RUNX1: variants seen among roughly 807,000 people sequenced by gnomAD.
The protein encoded by RUNX1 is runt-related transcription factor 1.
Under a neutral mutation model 42.8 loss-of-function variants are expected in RUNX1, and 19 were observed. That is an observed-to-expected ratio of 0.44 (90% confidence interval 0.31 to 0.65). The LOEUF (loss-of-function observed/expected upper bound fraction) is 0.65. Ranked by LOEUF, RUNX1 falls within the 30% of genes least tolerant of loss-of-function variation. RUNX1 has a pLI of 0.07. For missense variants in RUNX1, 528 were observed against 672.0 expected (o/e 0.79, Z 2.37); for synonymous variants, 271 against 289.4 (o/e 0.94, Z 0.64).
At chr21:34,846,409 C>G (rs1487673881) in intron 6 of RUNX1, among the ~76,000 whole-genome samples, 1 of 151,694 alleles carries the variant, frequency 6.6e-6, no homozygotes, top group African/African-American at 2.4e-5. Flanking sequence ...CAGGACATCC[C>G]AGGGGCCCCT....
intron 2 of RUNX1, among the ~76,000 whole-genome samples, chr21:34,930,880 G>T (rs909863589): frequency 4.6e-5 from 7 of 152,074 alleles, no homozygotes; most frequent in African/African-American, 1.4e-4. Context: ...TTTTGAAGAA[G>T]ATGACAGTTC....
intron 6 of RUNX1, among the ~76,000 whole-genome samples, chr21:34,853,105 C>A (rs561783308): frequency 1.3e-5 from 2 of 152,290 alleles, no homozygotes; most frequent in South Asian, 4.1e-4. Flanking sequence ...AAGGCCAACA[C>A]CGGAAGAAGA....
intron 3 of RUNX1, chr21:34,889,734 G>A (rs927815838): frequency 4.0e-5 from 47 of 1,181,198 alleles, no homozygotes; most frequent in Middle Eastern, 3.4e-4. Flanking sequence ...GGTGCTGCGG[G>A]CATTTTCGCG....
intron 5 of RUNX1, among the ~76,000 whole-genome samples, chr21:34,863,003 C>T (rs1258210309): frequency 3.3e-5 from 5 of 152,124 alleles, no homozygotes; most frequent in African/African-American, 7.2e-5. Flanking sequence ...ATTTTTAAGT[C>T]GTGTAGAACT....
At chr21:35,020,606 C>G (rs1445715782) in intron 2 of RUNX1, among the ~76,000 whole-genome samples, 1 of 152,120 alleles carries the variant, frequency 6.6e-6, no homozygotes, top group African/African-American at 2.4e-5. Context: ...TAGTCACTGT[C>G]CCCTCGAGGA....
intron 7 of RUNX1, among the ~76,000 whole-genome samples, chr21:34,827,064 T>A (rs193035571): frequency 6.6e-6 from 1 of 152,260 alleles, no homozygotes; most frequent in African/African-American, 2.4e-5. Flanking sequence ...GTGACCAGAG[T>A]GCTGGTAGAA....
intron 2 of RUNX1, among the ~76,000 whole-genome samples, chr21:34,904,963 A>C (rs75094659): frequency 9.5e-4 from 141 of 148,166 alleles, no homozygotes; most frequent in African/African-American, 3.5e-3. Context: ...ATAATGAAGT[A>C]GACTTCTAAG....
At chr21:34,960,267 C>T (rs1008043269) in intron 2 of RUNX1, among the ~76,000 whole-genome samples, 2 of 152,150 alleles carry the variant, frequency 1.3e-5, no homozygotes, top group Non-Finnish European at 2.9e-5. Flanking sequence ...CCCCGGCTCC[C>T]GATAGGTGGA....
rs139307340 is a variant in RUNX1 at position 34,789,604 on chromosome 21, GCA to G, written c.*2529_*2530del. 1.0e-4 allele frequency: 23 copies of G among 223,392 alleles called. No homozygotes were observed. The highest frequency in any genetic ancestry group is 3.7e-4 in the South Asian group (2 of 5,388). 13.8% of individuals were successfully genotyped at this position (223,392 alleles called of 1,614,324 possible). On this transcript the variant is annotated 3_prime_UTR_variant, in exon 9 of 9. Coordinates refer to ENST00000675419, the MANE Select transcript of RUNX1 (RefSeq NM_001754.5). Reference sequence around the variant, plus strand: ...ATTTTTCACACACACACACACACACGCACACACACACACATACAAAAATGTGT... The same window carrying G: ...ATTTTTCACACACACACACACACACGCACACACACACATACAAAAATGTGT...
chr21:34,886,906 G>A lies in RUNX1; in HGVS notation c.288C>T (p.Asn96=). 2 of 1,613,640 alleles carry A rather than the reference G, an allele frequency of 1.2e-6. No homozygotes were observed. Among genetic ancestry groups the A allele is most frequent in the South Asian group, 2.2e-5 (2 of 91,082 alleles). ...PGELVRTDSP[N]FLCSVLPTHW... is the part of the protein sequence containing the mutation. ...GCGTAGGCAGCACGGAGCAGAGGAA[G>A]TTGGGGCTGTCGGTGCGCACCAGCT... is the stretch of plus-strand genomic sequence containing the variant. Residue 96 remains asparagine (N), a synonymous_variant, in exon 4 of 9, where the codon AAC becomes AAT. Coordinates refer to ENST00000675419, the MANE Select transcript of RUNX1 (RefSeq NM_001754.5).
rs2056438275 is a variant in RUNX1 at position 34,791,805 on chromosome 21, C to T, written c.*330G>A. On this transcript the variant is annotated 3_prime_UTR_variant, in exon 9 of 9. Coordinates refer to ENST00000675419, the MANE Select transcript of RUNX1 (RefSeq NM_001754.5). ...ATTCACAGCATTGCTAAATCAGAAG[C>T]ATTCACAGTTTCCCTCCGGGAATCT... 4.3e-6 allele frequency: 1 copy of T among 230,354 alleles called. No individual in the cohort carries two copies. Among genetic ancestry groups the T allele is most frequent in the South Asian group, 1.8e-4 (1 of 5,656 alleles). 14.3% of individuals were successfully genotyped at this position (230,354 alleles called of 1,614,324 possible).
In RUNX1 at chr21:34,849,097, A is replaced by AATTGCTTTAATGGAATT. The variant is rs1293490562; in HGVS notation, c.613+10376_613+10377insAATTCCATTAAAGCAAT. Among the ~76,000 whole-genome samples, 8 of 149,488 alleles carry AATTGCTTTAATGGAATT rather than the reference A, an allele frequency of 5.4e-5. No homozygotes were observed. In the Admixed American group the frequency reaches 5.5e-4, roughly 10 times the overall value. On this transcript the variant is annotated intron_variant, in intron 6 of 8. Transcript: ENST00000675419. Reference sequence around the variant, plus strand: ...AATAGCAGTCTGGGTTTTTGTCAATAATTGCTTTAATGGAAACTAAGTATA... The same window carrying AATTGCTTTAATGGAATT: ...AATAGCAGTCTGGGTTTTTGTCAATAATTGCTTTAATGGAATTATTGCTTTAATGGAAACTAAGTATA...
intron 2 of RUNX1, among the ~76,000 whole-genome samples, chr21:34,973,996 G>A (rs567040107): frequency 6.6e-6 from 1 of 152,170 alleles, no homozygotes; most frequent in Non-Finnish European, 1.5e-5. Flanking sequence ...ATTTTGGCCT[G>A]GATTATCCAA....
chr21:34,874,845 A>G (rs1375837149), intron 5 of RUNX1, among the ~76,000 whole-genome samples: 1 of 152,108 alleles, frequency 6.6e-6, no homozygotes, highest in Non-Finnish European at 1.5e-5. Context: ...GTTTATGTCT[A>G]TAATGCTTGT....
intron 7 of RUNX1, among the ~76,000 whole-genome samples, chr21:34,823,082 A>G (rs1408700425): frequency 1.3e-5 from 2 of 152,242 alleles, no homozygotes; most frequent in East Asian, 3.8e-4. Context: ...CGTAAGGTAA[A>G]GAGGACATCA....
chr21:35,036,819 G>A (rs998842784), intron 2 of RUNX1, among the ~76,000 whole-genome samples: 1 of 152,162 alleles, frequency 6.6e-6, no homozygotes, highest in African/African-American at 2.4e-5. Flanking sequence ...TTCTGGCTAC[G>A]ATTTTTATTT....
Position 34,790,875 on chromosome 21 carries a change from T to G in RUNX1, c.*1260A>C, listed in dbSNP as rs1024644364. On this transcript the variant is annotated 3_prime_UTR_variant, in exon 9 of 9. Transcript: ENST00000675419. ...TGTGGCTCCCCTACACAGTTTACTT[T>G]GGCTGTGTTCTGTTACACAGCATCT... is the stretch of plus-strand genomic sequence containing the variant. 14 of 233,412 alleles carry G rather than the reference T, an allele frequency of 6.0e-5. No individual in the cohort carries two copies. Among genetic ancestry groups the G allele is most frequent in the African/African-American group, 3.1e-4 (14 of 45,478 alleles). The allele number at this position is 233,412 out of a possible 1,614,324, so 14.5% of individuals were successfully genotyped here.
At position 34,821,790 on chromosome 21, in the gene RUNX1, G is replaced by A. The variant is rs774750325; in HGVS notation, c.805+12620C>T. ...GCATTCCCCTCCCCTACCCCAAGGCGTGAAAGAATCAAATGAGGAAATCAG... is the reference window on the plus strand; with the variant it reads ...GCATTCCCCTCCCCTACCCCAAGGCATGAAAGAATCAAATGAGGAAATCAG... On this transcript the variant is annotated intron_variant, in intron 7 of 8. Coordinates refer to ENST00000675419, the MANE Select transcript of RUNX1 (RefSeq NM_001754.5). 86 of 1,065,420 alleles carry A rather than the reference G, an allele frequency of 8.1e-5. No individual in the cohort carries two copies. The East Asian group carries it at 1.1e-3, about 13-fold the overall frequency. 66.0% of individuals were successfully genotyped at this position (1,065,420 alleles called of 1,614,324 possible). A position where few individuals can be genotyped will look rare whatever the true frequency, so the allele number is the denominator to read the frequency against.
chr21:34,915,672 G>A (rs2058306913), intron 2 of RUNX1, among the ~76,000 whole-genome samples: 1 of 152,174 alleles, frequency 6.6e-6, no homozygotes, highest in South Asian at 2.1e-4. Context: ...TTGGCAAAGT[G>A]GAAGGTGTTG....
Sources: gnomAD v4.1 joint callset for allele counts (sites outside exome capture counted in the v4.1 genomes callset) on GRCh38, gnomAD v4.1.1 for gene constraint, MANE v1.5 for transcripts, NCBI Gene and HGNC (gene_info 2026-07-23, HGNC 2026-07-21) for gene names.